The following RHBDD1 variants were observed in gnomAD, a reference collection of about 807,000 sequenced individuals.
RHBDD1 encodes rhomboid domain containing 1.
A neutral mutation model predicts 36.3 loss-of-function variants in RHBDD1; 38 were observed. That is an observed-to-expected ratio of 1.05 (90% CI 0.81 to 1.37). The LOEUF is 1.37. Among genes scored for constraint, RHBDD1 ranks in the 40% most tolerant of loss-of-function variants. RHBDD1 has a pLI of 0.00. For missense variants in RHBDD1, 393 were observed against 377.6 expected (o/e 1.04, Z -0.34); for synonymous variants, 151 against 136.5 (o/e 1.11, Z -0.74).
At chr2:226,925,846 A>G (rs1949632089) in intron 8 of RHBDD1, among the ~76,000 whole-genome samples, 1 of 152,168 alleles carries the variant, frequency 6.6e-6, no homozygotes, top group Admixed American at 6.5e-5. Flanking sequence ...TTAGAATCAT[A>G]AGTAGCATAC....
At position 226,839,611 on chromosome 2, in the gene RHBDD1, T is replaced by A. The variant is rs1559179419; in HGVS notation, c.-107T>A. The A allele has an allele frequency of 6.6e-6, 1 of 152,114 alleles. No homozygotes were observed. The highest frequency in any genetic ancestry group is 1.5e-5 in the Non-Finnish European group (1 of 68,024). 9.4% of individuals were successfully genotyped at this position (152,114 alleles called of 1,614,324 possible). The stretch of plus-strand genomic sequence containing the variant: ...GGCATGAGCTATACCTAAAACGTAA[T>A]GGTATTAAGAATTCTGGTAAGTGGG... On this transcript the variant is annotated 5_prime_UTR_variant, in exon 3 of 9. An upstream start codon of the reference 5' UTR is lost. Coordinates refer to ENST00000392062, the MANE Select transcript of RHBDD1 (RefSeq NM_001167608.3).
At chr2:226,879,044 T>C (rs1945483370) in intron 5 of RHBDD1, among the ~76,000 whole-genome samples, 1 of 126,106 alleles carries the variant, frequency 7.9e-6, no homozygotes, top group African/African-American at 3.2e-5. Flanking sequence ...GGACGTGAAA[T>C]CAATTTAGTG....
chr2:226,943,646 T>C (rs1950800389), intron 8 of RHBDD1, among the ~76,000 whole-genome samples: 1 of 113,526 alleles, frequency 8.8e-6, no homozygotes, highest in African/African-American at 4.3e-5. Context: ...TGGGGGTTAG[T>C]AAGGCCCTTC....
At chr2:226,910,932 T>C (rs1361674810) in intron 7 of RHBDD1, among the ~76,000 whole-genome samples, 1 of 152,168 alleles carries the variant, frequency 6.6e-6, no homozygotes. Flanking sequence ...GTCTTTCTGA[T>C]TTAAGGCACC....
the RHBDD1 span, among the ~76,000 whole-genome samples, chr2:226,810,439 C>A: frequency 6.8e-6 from 1 of 146,790 alleles, no homozygotes; most frequent in African/African-American, 2.6e-5. Flanking sequence ...ACTTGTGAGG[C>A]TGAGGCAGGA....
intron 1 of RHBDD1, 160 bp downstream of exon 1, chr2:226,836,247 G>T (rs1284954119): frequency 6.6e-6 from 1 of 152,602 alleles, no homozygotes; most frequent in African/African-American, 2.4e-5. Flanking sequence ...GGCGGGGCTG[G>T]AGGCACAGCC....
intron 8 of RHBDD1, among the ~76,000 whole-genome samples, chr2:226,916,143 G>A (rs892249674): frequency 6.6e-6 from 1 of 152,190 alleles, no homozygotes. Context: ...CAGTTCCACT[G>A]TATTCTGTAT....
At chr2:226,846,415 A>ACTAGCT (rs1942218432) in intron 3 of RHBDD1, among the ~76,000 whole-genome samples, 1 of 152,176 alleles carries the variant, frequency 6.6e-6, no homozygotes, top group African/African-American at 2.4e-5. Context: ...TATTTGAGTA[A>ACTAGCT]TGAAAACTTC....
At chr2:226,904,427 G>GGGGGCAGGGAAC (rs1559252754) in intron 5 of RHBDD1, among the ~76,000 whole-genome samples, 1 of 90,820 alleles carries the variant, frequency 1.1e-5, no homozygotes, top group African/African-American at 4.4e-5. Context: ...GGGGGGAGGG[G>GGGGGCAGGGAAC]GGTCAGGGAA....
intron 7 of RHBDD1, among the ~76,000 whole-genome samples, chr2:226,913,241 C>CA: frequency 6.6e-6 from 1 of 152,174 alleles, no homozygotes; most frequent in Non-Finnish European, 1.5e-5. Flanking sequence ...CACAAAGACT[C>CA]ATAGCAAAGG....
intron 1 of RHBDD1, among the ~76,000 whole-genome samples, chr2:226,836,553 T>G (rs1940987460): frequency 6.6e-6 from 1 of 152,162 alleles, no homozygotes; most frequent in African/African-American, 2.4e-5. Flanking sequence ...GGACAAAAAA[T>G]CCGCCAAAGT....
At chr2:226,931,741 T>G (rs908357453) in intron 8 of RHBDD1, among the ~76,000 whole-genome samples, 1 of 152,154 alleles carries the variant, frequency 6.6e-6, no homozygotes, top group African/African-American at 2.4e-5. Flanking sequence ...TGATTTGATT[T>G]CTTTTGCTGT....
chr2:226,829,697 A>T, the RHBDD1 span, among the ~76,000 whole-genome samples: 1 of 152,164 alleles, frequency 6.6e-6, no homozygotes, highest in Non-Finnish European at 1.5e-5. Context: ...AAAATTTTGT[A>T]TCCTGAGACT....
At chr2:226,821,553 A>G in the RHBDD1 span, among the ~76,000 whole-genome samples, 1 of 151,520 alleles carries the variant, frequency 6.6e-6, no homozygotes, top group Non-Finnish European at 1.5e-5. Context: ...ATAATTTAGG[A>G]GTTTTATTTG....
At chr2:226,951,636 A>G (rs895741684) in intron 8 of RHBDD1, among the ~76,000 whole-genome samples, 5 of 152,222 alleles carry the variant, frequency 3.3e-5, no homozygotes, top group African/African-American at 1.2e-4. Context: ...GAAATCCCAA[A>G]TGTTTTCCAA....
intron 8 of RHBDD1, among the ~76,000 whole-genome samples, chr2:226,926,882 CT>C (rs1335955458): frequency 2.0e-5 from 3 of 151,986 alleles, no homozygotes; most frequent in African/African-American, 7.2e-5. Context: ...AAATATTAGT[CT>C]TGTATTATGC....
chr2:226,869,160 T>G, intron 5 of RHBDD1: 1 of 985,218 alleles, frequency 1.0e-6, no homozygotes, highest in Non-Finnish European at 1.2e-6. Context: ...CCAACTTACA[T>G]GGAAAAGGGA....
intron 8 of RHBDD1, chr2:226,914,711 C>T (rs2125709973): frequency 6.4e-6 from 1 of 156,724 alleles, no homozygotes; most frequent in South Asian, 1.9e-4. Context: ...CACTAAGTAT[C>T]AAAATATTGC....
At chr2:226,940,562 A>G (rs1950600119) in intron 8 of RHBDD1, among the ~76,000 whole-genome samples, 1 of 152,204 alleles carries the variant, frequency 6.6e-6, no homozygotes, top group Admixed American at 6.5e-5. Context: ...TGACATGATT[A>G]TATGCCCACA....
Sources: allele counts gnomAD v4.1 joint callset (sites outside exome capture counted in the v4.1 genomes callset), GRCh38; gene constraint gnomAD v4.1.1; transcripts MANE v1.5; gene names NCBI Gene and HGNC (gene_info 2026-07-23, HGNC 2026-07-21).